The following COL6A1 variants were observed in gnomAD, a reference collection of about 807,000 sequenced individuals.
The protein encoded by COL6A1 is collagen alpha-1(VI) chain.
Under a neutral mutation model 145.6 loss-of-function variants are expected in COL6A1, and 80 were observed. The observed-to-expected ratio is 0.55, with a 90% CI of 0.46 to 0.66. The LOEUF (loss-of-function observed/expected upper bound fraction) is 0.66, where lower values mean the gene tolerates loss of function less well. Ranked by LOEUF, COL6A1 falls within the 30% of genes least tolerant of loss-of-function variation. The probability of loss-of-function intolerance (pLI) is 0.00; values close to 1 mark genes in which losing one functional copy is unlikely to be tolerated. For synonymous variants in COL6A1, 638 were observed against 622.8 expected (o/e 1.02, Z -0.36); for missense variants, 1,364 against 1,473.8 (o/e 0.93, Z 1.22).
chr21:45,999,965 C>CATGGGGGACAT (rs563227704), intron 27 of COL6A1, among the ~76,000 whole-genome samples: 2 of 1,414 alleles, frequency 1.4e-3, no homozygotes, highest in Non-Finnish European at 2.8e-3. Context: ...CATGGGAGGA[C>CATGGGGGACAT]GTGAGGATCA....
chr21:45,982,544 A>G, intron 1 of COL6A1, 90 bp from the exon 2 acceptor site: 1 of 1,587,148 alleles, frequency 6.3e-7, no homozygotes, highest in Non-Finnish European at 8.6e-7. Context: ...TCTGTGCTGC[A>G]GGCGCTGGGC....
In COL6A1 at chr21:45,994,298, C is replaced by T; in HGVS notation, c.1398+69C>T. ...TTTGGGGGTAGAAGTGCTCCAGCAGCTCACGCACTGGGGGTCTGTTCATTT... is the reference window on the plus strand; with the variant it reads ...TTTGGGGGTAGAAGTGCTCCAGCAGTTCACGCACTGGGGGTCTGTTCATTT... On this transcript the variant is annotated intron_variant, in intron 20 of 34. Transcript: ENST00000361866. The surrounding 1 kb of genome is among the most constrained non-coding windows in gnomAD (Gnocchi z 6.8). 2 of 1,397,188 alleles carry T rather than the reference C, an allele frequency of 1.4e-6. No homozygotes were observed. The highest frequency in any genetic ancestry group is 4.8e-5 in the East Asian group (2 of 41,536). The allele number at this position is 1,397,188 out of a possible 1,614,324, so 86.5% of individuals were successfully genotyped here.
rs1418968438 is a variant in COL6A1, at chr21:45,999,165, G to A, written c.1687G>A (p.Ala563Thr). 1 of 1,601,268 alleles carries A rather than the reference G, an allele frequency of 6.2e-7. No homozygotes were observed. The highest frequency in any genetic ancestry group is 1.3e-5 in the African/African-American group (1 of 74,970). The stretch of plus-strand genomic sequence containing the variant: ...TGTTCCCTTCTAGAACAACGACATT[G>A]CACCCCGAGGAGTCAAAGGAGCAAA... The part of the protein sequence containing the change: ...GDPGDDNNDI[A>T]PRGVKGAKGY... Residue 563 changes from alanine to threonine, a missense_variant, in exon 26 of 35, where the codon GCA becomes ACA. By Grantham distance (58) the Ala-to-Thr change is moderately conservative. Transcript: ENST00000361866.
At chr21:45,998,819 T>A (rs13049310) in intron 24 of COL6A1, 78 bp from the exon 25 acceptor site, 25 of 1,401,472 alleles carry the variant, frequency 1.8e-5, no homozygotes, top group Non-Finnish European at 2.4e-5. Flanking sequence ...CTTATCTTTA[T>A]TTTTTTCCTT....
In COL6A1 at chr21:45,992,657, G is replaced by A; in HGVS notation, c.1273-91G>A. ...GGCCCCTCCCAGGGGTCCTGCTGGG[G>A]GAGTCAGTCCAGGCCAGGCCTCAAG... is the stretch of plus-strand genomic sequence containing the variant. On this transcript the variant is annotated intron_variant, in intron 18 of 34. Coordinates refer to ENST00000361866, the MANE Select transcript of COL6A1 (RefSeq NM_001848.3). The A allele has an allele frequency of 3.0e-6, 4 of 1,324,706 alleles. No individual in the cohort carries two copies. The South Asian group carries it at 5.1e-5, about 17-fold the overall frequency. 82.1% of individuals were successfully genotyped at this position (1,324,706 alleles called of 1,614,324 possible).
At chr21:45,999,571 G>A in intron 26 of COL6A1, 86 bp from the exon 27 acceptor site, 1 of 1,453,416 alleles carries the variant, frequency 6.9e-7, no homozygotes, top group Non-Finnish European at 9.5e-7. Context: ...ATGAGGGGCA[G>A]GGCCCTGGGG....
rs546270038 is a variant in COL6A1, at chr21:45,994,371, G to C, written c.1398+142G>C. Reference sequence around the variant, plus strand: ...CCGTAGATCTCGGGGGTGTCCCTGCGTGGGAGCCGGCTGCAGGGGGTGAGG... The same window carrying C: ...CCGTAGATCTCGGGGGTGTCCCTGCCTGGGAGCCGGCTGCAGGGGGTGAGG... On this transcript the variant is annotated intron_variant, in intron 20 of 34. Coordinates refer to ENST00000361866, the MANE Select transcript of COL6A1 (RefSeq NM_001848.3). This position sits in a 1 kb window ranked among gnomAD's most constrained non-coding sequence, Gnocchi z 6.8. The C allele has an allele frequency of 1.1e-6, 1 of 873,558 alleles. No homozygotes were observed. Among genetic ancestry groups the C allele is most frequent in the East Asian group, 2.7e-5 (1 of 37,638 alleles). The allele number at this position is 873,558 out of a possible 1,614,324, so 54.1% of individuals were successfully genotyped here. A position where few individuals can be genotyped will look rare whatever the true frequency, so the allele number is the denominator to read the frequency against.
Position 46,002,242 on chromosome 21 carries a change from G to A in COL6A1, c.2091G>A (p.Met697Ile), listed in dbSNP as rs372750707. ...LKEAIKSLQWMAGGTFTGEAL... is the reference protein window; with the variant it reads ...LKEAIKSLQWIAGGTFTGEAL... ...GAGCCATCAAGAGCCTGCAGTGGAT[G>A]GCGGGCGGCACCTTCACGGGGGAGG... The change falls in exon 32 of 35, where the codon ATG (methionine) becomes ATA (isoleucine). Residue 697 changes from methionine to isoleucine, a missense_variant. By Grantham distance (10) the Met-to-Ile change is conservative (BLOSUM62 1). This residue lies in a region of COL6A1 where 938 missense variants were observed against 1,003.8 expected (regional missense o/e 0.93). Transcript: ENST00000361866. 3.2e-5 allele frequency: 52 copies of A among 1,602,542 alleles called. No homozygotes were observed. The African/African-American group carries it at 5.3e-4, about 16-fold the overall frequency.
chr21:45,983,658 T>TG (rs146694264), intron 2 of COL6A1, among the ~76,000 whole-genome samples: 23,576 of 141,916 alleles, frequency 0.17, 2,916 homozygotes, highest in African/African-American at 0.36. Flanking sequence ...CGGCAGTGTT[T>TG]GGGGGGGGGT....
chr21:45,985,361 CAGAGAG>C (rs919315734), intron 3 of COL6A1, among the ~76,000 whole-genome samples: 2 of 149,726 alleles, frequency 1.3e-5, no homozygotes, highest in African/African-American at 5.0e-5. Context: ...GGCAGAGAGA[CAGAGAG>C]AGAAGCACAG....
At chr21:46,003,032 G>A in intron 33 of COL6A1, 88 bp from the exon 34 acceptor site, 1 of 1,594,342 alleles carries the variant, frequency 6.3e-7, no homozygotes, top group Non-Finnish European at 8.6e-7. Context: ...GGCCACCCCT[G>A]TGCTCGGCCG....
Position 45,994,667 on chromosome 21 carries a change from T to C in COL6A1, c.1398+438T>C, listed in dbSNP as rs942092578. On this transcript the variant is annotated intron_variant, in intron 20 of 34. Transcript: ENST00000361866. This position sits in a 1 kb window ranked among gnomAD's most constrained non-coding sequence, Gnocchi z 6.8. The stretch of plus-strand genomic sequence containing the variant: ...TGGAGGTTTCCAGAATCCCAGGGTG[T>C]CAGGATGAAAATGCACTTTCATCTC... Among the ~76,000 whole-genome samples the C allele has an allele frequency of 3.3e-5, 5 of 152,248 alleles. No individual in the cohort carries two copies. The South Asian group carries it at 1.0e-3, about 32-fold the overall frequency.
At chr21:45,993,566 C>T (rs112783839) in intron 19 of COL6A1, among the ~76,000 whole-genome samples, 60 of 152,346 alleles carry the variant, frequency 3.9e-4, no homozygotes, top group African/African-American at 1.3e-3. Flanking sequence ...GACAGACAGG[C>T]GGGGCTCCAG....
At chr21:46,003,022 G>A (rs1396693729) in intron 33 of COL6A1, 98 bp from the exon 34 acceptor site, 159 of 1,570,894 alleles carry the variant, frequency 1.0e-4, no homozygotes, top group Middle Eastern at 5.1e-4. Context: ...CCGGGGGCAC[G>A]GCCACCCCTG....
At chr21:45,998,367 C>T in intron 23 of COL6A1, 31 bp from the exon 24 acceptor site, 2 of 1,613,152 alleles carry the variant, frequency 1.2e-6, no homozygotes, top group Non-Finnish European at 1.7e-6. Flanking sequence ...AAATCAGAAC[C>T]CGGTATCACT....
At chr21:45,999,783 C>A in intron 27 of COL6A1, 91 bp downstream of exon 27, 2 of 1,079,552 alleles carry the variant, frequency 1.9e-6, no homozygotes, top group African/African-American at 1.7e-5. Flanking sequence ...CTCCTGTAGA[C>A]GCTGCTCACG....
chr21:45,987,223 C>G (rs1050572453), intron 6 of COL6A1, 48 bp downstream of exon 6: 1 of 1,584,304 alleles, frequency 6.3e-7, no homozygotes, highest in Admixed American at 1.7e-5. Context: ...CACACGTCCA[C>G]CCACACGTCC....
chr21:45,998,476 A>G (rs746828300), intron 24 of COL6A1, 43 bp downstream of exon 24: 21 of 1,612,430 alleles, frequency 1.3e-5, no homozygotes, highest in Middle Eastern at 1.6e-4. Context: ...GCACACAAAC[A>G]TTCACAGTCA....
intron 20 of COL6A1, among the ~76,000 whole-genome samples, chr21:45,997,042 C>G (rs1407242879): frequency 6.6e-6 from 1 of 152,076 alleles, no homozygotes; most frequent in Non-Finnish European, 1.5e-5. Flanking sequence ...GACCTGTAGC[C>G]TCACCCCTCC....
Sources: gnomAD v4.1 joint callset for allele counts (sites outside exome capture counted in the v4.1 genomes callset) on GRCh38, gnomAD v4.1.1 for gene constraint, gnomAD v4.1.1 regional missense constraint, Gnocchi (gnomAD v3.1) non-coding constraint, MANE v1.5 for transcripts, NCBI Gene and HGNC (gene_info 2026-07-23, HGNC 2026-07-21) for gene names.